METTL13: variants seen among roughly 807,000 people sequenced by gnomAD.
The protein encoded by METTL13 is eEF1A lysine and N-terminal methyltransferase.
A neutral mutation model predicts 67.4 loss-of-function variants in METTL13; 52 were observed. The observed-to-expected ratio is 0.77, with a 90% confidence interval of 0.62 to 0.97. The LOEUF (loss-of-function observed/expected upper bound fraction) is 0.97. Among genes scored for constraint, METTL13 ranks in the 50% least tolerant of loss-of-function variants. The pLI is 0.00. For missense variants in METTL13, 825 were observed against 889.6 expected, an observed-to-expected ratio of 0.93 and a Z score of 0.92; for synonymous variants, 354 against 353.6, an observed-to-expected ratio of 1.00 and a Z score of -0.01.
intron 3 of METTL13, among the ~76,000 whole-genome samples, chr1:171,787,235 A>C (rs963284764): frequency 1.8e-4 from 27 of 152,152 alleles, no homozygotes; most frequent in South Asian, 8.3e-4. Flanking sequence ...TTAGGGGGAA[A>C]GTATATTTTT....
chr1:171,787,938 G>A lies in METTL13; in HGVS notation c.1309+8G>A. On this transcript the variant is annotated splice_region_variant and intron_variant, in intron 4 of 7. Coordinates refer to ENST00000361735, the MANE Select transcript of METTL13 (RefSeq NM_015935.5). ...AGGATGTGTCTCACAAAGGTGAGGT[G>A]TCATAGGCACAGTGGTGGGACCCAA... 1 of 1,612,610 alleles carries A rather than the reference G, an allele frequency of 6.2e-7. No individual in the cohort carries two copies. The highest frequency in any genetic ancestry group is 1.1e-5 in the South Asian group (1 of 90,864).
Position 171,784,330 on chromosome 1 carries a change from G to A in METTL13, c.744G>A (p.Glu248=). The change falls in exon 2 of 8, where the codon GAG becomes GAA. Residue 248 remains glutamate (E), a synonymous_variant. Coordinates refer to ENST00000361735, the MANE Select transcript of METTL13 (RefSeq NM_015935.5). ...SAERLAEAVQ[E]RQQYAWLCSQ... Reference sequence around the variant, plus strand: ...AGCGGCTGGCCGAGGCGGTGCAGGAGCGACAGCAGTATGCCTGGCTGTGCA... The same window carrying A: ...AGCGGCTGGCCGAGGCGGTGCAGGAACGACAGCAGTATGCCTGGCTGTGCA... The A allele has an allele frequency of 1.3e-6, 2 of 1,595,164 alleles. No individual in the cohort carries two copies. The highest frequency in any genetic ancestry group is 1.1e-5 in the South Asian group (1 of 87,924).
At chr1:171,789,348 T>A (rs1463239792) in intron 4 of METTL13, among the ~76,000 whole-genome samples, 3 of 151,722 alleles carry the variant, frequency 2.0e-5, no homozygotes, top group African/African-American at 7.3e-5. Context: ...GGGAAGGGAG[T>A]GGTGAGAGGG....
intron 7 of METTL13, 135 bp downstream of exon 7, chr1:171,794,662 A>G: frequency 2.4e-6 from 3 of 1,269,368 alleles, no homozygotes; most frequent in Non-Finnish European, 3.2e-6. Flanking sequence ...CTAGCACTAG[A>G]CACAGAAAAT....
chr1:171,790,718 C>G, intron 5 of METTL13, 102 bp downstream of exon 5: 3 of 1,219,598 alleles, frequency 2.5e-6, no homozygotes, highest in Non-Finnish European at 3.3e-6. Context: ...CAATTACAAG[C>G]TGACAATGTA....
At chr1:171,787,026 G>A (rs1657039804) in intron 3 of METTL13, among the ~76,000 whole-genome samples, 1 of 152,100 alleles carries the variant, frequency 6.6e-6, no homozygotes, top group South Asian at 2.1e-4. Flanking sequence ...GTTTACAGAT[G>A]AATGTAAGTT....
chr1:171,786,104 A>T, intron 3 of METTL13, 26 bp downstream of exon 3: 1 of 1,598,144 alleles, frequency 6.3e-7, no homozygotes, highest in Non-Finnish European at 8.5e-7. Flanking sequence ...TACGGCTTTC[A>T]TGGGTCTCTG....
Position 171,792,171 on chromosome 1 carries a change from C to A in METTL13, c.1629C>A (p.Asp543Glu). Residue 543 changes from aspartate to glutamate, a missense_variant, in exon 6 of 8, where the codon GAC becomes GAA. By Grantham distance (45) the Asp-to-Glu change is conservative (BLOSUM62 2). Transcript: ENST00000361735. ...ATQWFGFSQS[D>E]RMKVHIADGL... ...AGTGGTTTGGCTTCTCCCAGAGTGA[C>A]CGAATGAAGGTCCACATTGCAGATG... 1 of 1,614,194 alleles carries A rather than the reference C, an allele frequency of 6.2e-7. No homozygotes were observed.
At chr1:171,790,708 C>A in intron 5 of METTL13, 92 bp downstream of exon 5, 1 of 1,260,866 alleles carries the variant, frequency 7.9e-7, no homozygotes, top group Non-Finnish European at 1.0e-6. Context: ...TGAAGAACAG[C>A]AATTACAAGC....
intron 6 of METTL13, 144 bp from the exon 7 acceptor site, chr1:171,794,252 C>T (rs866765247): frequency 4.1e-6 from 5 of 1,229,144 alleles, no homozygotes; most frequent in Middle Eastern, 2.8e-4. Context: ...CATCAGTGCC[C>T]TTACAGGCAA....
At chr1:171,788,712 C>T (rs1214182896) in intron 4 of METTL13, among the ~76,000 whole-genome samples, 4 of 152,054 alleles carry the variant, frequency 2.6e-5, no homozygotes, top group African/African-American at 4.8e-5. Context: ...AAATATAGAC[C>T]GCGAAAAGTG....
At chr1:171,783,489 T>G (rs552494486) in intron 1 of METTL13, among the ~76,000 whole-genome samples, 1 of 152,250 alleles carries the variant, frequency 6.6e-6, no homozygotes, top group Non-Finnish European at 1.5e-5. Context: ...ATGATTAATT[T>G]GTTTCTGCAA....
At chr1:171,787,592 T>G (rs971360369) in intron 3 of METTL13, 143 bp from the exon 4 acceptor site, 2 of 712,880 alleles carry the variant, frequency 2.8e-6, no homozygotes, top group Non-Finnish European at 4.5e-6. Context: ...GAAAAGTACT[T>G]TAATAGAATG....
chr1:171,789,645 A>G (rs905668470), intron 4 of METTL13, among the ~76,000 whole-genome samples: 1 of 152,210 alleles, frequency 6.6e-6, no homozygotes, highest in Non-Finnish European at 1.5e-5. Flanking sequence ...GCAGGTGATT[A>G]GTAACTTTAC....
chr1:171,794,365 A>T (rs763631286), intron 6 of METTL13, 31 bp from the exon 7 acceptor site: 1 of 1,613,876 alleles, frequency 6.2e-7, no homozygotes, highest in East Asian at 2.2e-5. Context: ...TATCCAGCAA[A>T]GACAAGGACT....
chr1:171,793,831 G>C (rs918541743), intron 6 of METTL13, among the ~76,000 whole-genome samples: 1 of 152,204 alleles, frequency 6.6e-6, no homozygotes, highest in African/African-American at 2.4e-5. Context: ...AAAATGTGCT[G>C]TTTTCAGAGT....
Position 171,790,499 on chromosome 1 carries a change from G to C in METTL13, c.1357G>C (p.Ala453Pro). Residue 453 changes from alanine (A) to proline (P), a missense_variant, in exon 5 of 8, where the codon GCG becomes CCG. Ala to Pro is a conservative substitution (Grantham distance 27). Transcript: ENST00000361735. Reference protein sequence around the residue: ...KDRKKQRPADAEDLPAAPGQS... With the variant: ...KDRKKQRPADPEDLPAAPGQS... ...CAGGAAGAAGCAGCGGCCTGCTGAT[G>C]CGGAGGACCTCCCTGCAGCCCCGGG... is the stretch of plus-strand genomic sequence containing the variant. 6.2e-7 allele frequency: 1 copy of C among 1,611,116 alleles called. No individual in the cohort carries two copies. Among genetic ancestry groups the C allele is most frequent in the African/African-American group, 1.3e-5 (1 of 74,856 alleles).
Position 171,787,840 on chromosome 1 carries a change from G to A in METTL13, c.1219G>A (p.Asp407Asn), listed in dbSNP as rs1366364865. The A allele has an allele frequency of 6.2e-7, 1 of 1,614,172 alleles. No homozygotes were observed. Among genetic ancestry groups the A allele is most frequent in the East Asian group, 2.2e-5 (1 of 44,878 alleles). ...TGTCATTGAGGATGTGCAAGGGGAT[G>A]ACAAGCGATACTTCCGTCGACTGAT... Reference protein sequence around the residue: ...DYVIEDVQGDDKRYFRRLIFL... With the variant: ...DYVIEDVQGDNKRYFRRLIFL... Residue 407 changes from aspartate to asparagine, a missense_variant, in exon 4 of 8, where the codon GAC becomes AAC. Physicochemically the swap from Asp to Asn is conservative, Grantham distance 23. Transcript: ENST00000361735.
chr1:171,790,412 A>G, intron 4 of METTL13, 40 bp from the exon 5 acceptor site: 1 of 1,476,740 alleles, frequency 6.8e-7, no homozygotes, highest in Non-Finnish European at 9.0e-7. Flanking sequence ...CTTCCTGAGG[A>G]CTAGTGTACT....
Sources: allele counts gnomAD v4.1 joint callset (sites outside exome capture counted in the v4.1 genomes callset), GRCh38; gene constraint gnomAD v4.1.1; transcripts MANE v1.5; gene names NCBI Gene and HGNC (gene_info 2026-07-23, HGNC 2026-07-21).